ZDHHC1: variants seen among roughly 807,000 people sequenced by gnomAD.
The protein encoded by ZDHHC1 is zDHHC palmitoyltransferase 1.
In ZDHHC1, 45 loss-of-function variants were observed where a neutral mutation model predicts 46.9. The ratio of observed to expected loss-of-function variants is 0.96; its 90% CI spans 0.76 to 1.23. The LOEUF is 1.23. ZDHHC1 is among the 50% of genes most tolerant of loss of function. The pLI is 0.00. For synonymous variants in ZDHHC1, 291 were observed against 286.0 expected, an observed-to-expected ratio of 1.02 and a Z score of -0.18; for missense variants, 649 against 670.8, an observed-to-expected ratio of 0.97 and a Z score of 0.36.
chr16:67,395,413 C>T (rs1457877157), intron 9 of ZDHHC1, 71 bp downstream of exon 9: 1 of 1,543,990 alleles, frequency 6.5e-7, no homozygotes, highest in Non-Finnish European at 8.7e-7. Context: ...AGCCTACCCC[C>T]TTCTCCTGCC....
intron 7 of ZDHHC1, 114 bp from the exon 8 acceptor site, chr16:67,398,438 AT>A: frequency 6.6e-7 from 1 of 1,509,572 alleles, no homozygotes; most frequent in Non-Finnish European, 8.9e-7. Flanking sequence ...ACACGAAGCC[AT>A]CAGGTGAGAC....
intron 1 of ZDHHC1, among the ~76,000 whole-genome samples, chr16:67,415,198 C>T (rs2040813655): frequency 6.6e-6 from 1 of 152,102 alleles, no homozygotes; most frequent in East Asian, 1.9e-4. Flanking sequence ...TGGCTCACAC[C>T]TGTAATCCCA....
At chr16:67,404,732 G>A (rs1392307427) in intron 3 of ZDHHC1, 2 of 455,884 alleles carry the variant, frequency 4.4e-6, no homozygotes, top group South Asian at 3.1e-5. Context: ...TAGGAAATGG[G>A]GAGAATACCT....
rs758310277 is a variant in ZDHHC1 at position 67,406,375 on chromosome 16, T to C, written c.77A>G (p.Gln26Arg). 1.3e-6 allele frequency: 2 copies of C among 1,581,586 alleles called. No homozygotes were observed. Among genetic ancestry groups the C allele is most frequent in the South Asian group, 2.3e-5 (2 of 86,712 alleles). The change falls in exon 3 of 12, where the codon CAG becomes CGG. Residue 26 changes from glutamine (Q) to arginine (R), a missense_variant. Physicochemically the swap from Gln to Arg is conservative, Grantham distance 43. Coordinates refer to ENST00000565726, the MANE Select transcript of ZDHHC1 (RefSeq NM_001323627.2). This position sits in a 1 kb window ranked among gnomAD's most constrained non-coding sequence, Gnocchi z 4.1. The part of the protein sequence containing the change: ...PEKSVWTAPA[Q>R]PSGPSPELQG... The stretch of plus-strand genomic sequence containing the variant: ...CAGCTCAGGGGAGGGTCCGCTGGGC[T>C]GTGCCGGTGCCGTCCACACACTCTT...
Position 67,406,360 on chromosome 16 carries a change from G to A in ZDHHC1, c.92C>T (p.Ser31Phe), listed in dbSNP as rs762297548. The A allele has an allele frequency of 6.3e-7, 1 of 1,585,812 alleles. No homozygotes were observed. Among genetic ancestry groups the A allele is most frequent in the Non-Finnish European group, 8.6e-7 (1 of 1,166,030 alleles). The change falls in exon 3 of 12, where the codon TCC (serine) becomes TTC (phenylalanine). Residue 31 changes from serine (S) to phenylalanine (F), a missense_variant. Ser to Phe is a radical substitution (Grantham distance 155). Transcript: ENST00000565726. This position sits in a 1 kb window ranked among gnomAD's most constrained non-coding sequence, Gnocchi z 4.1. Reference protein sequence around the residue: ...WTAPAQPSGPSPELQGQRSRR... With the variant: ...WTAPAQPSGPFPELQGQRSRR... ...GGATCGCTGGCCCTGCAGCTCAGGGGAGGGTCCGCTGGGCTGTGCCGGTGC... is the reference window on the plus strand; with the variant it reads ...GGATCGCTGGCCCTGCAGCTCAGGGAAGGGTCCGCTGGGCTGTGCCGGTGC...
rs746830838 is a variant in ZDHHC1, at chr16:67,398,857, G to A, written c.618C>T (p.Val206=). Residue 206 remains valine, a synonymous_variant, in exon 6 of 12, where the codon GTC becomes GTT. Coordinates refer to ENST00000565726, the MANE Select transcript of ZDHHC1 (RefSeq NM_001323627.2). ...VATYVFVEFF[V]NPMRLRTNRH... is the part of the protein sequence containing the mutation. ...GGTTGGTGCGCAGACGCATGGGGTTGACAAAGAACTCCACGAAGACATATG... is the reference window on the plus strand; with the variant it reads ...GGTTGGTGCGCAGACGCATGGGGTTAACAAAGAACTCCACGAAGACATATG... The A allele has an allele frequency of 5.6e-6, 9 of 1,612,982 alleles. No homozygotes were observed. Among genetic ancestry groups the A allele is most frequent in the East Asian group, 2.2e-5 (1 of 44,828 alleles).
rs1046004391 is a variant in ZDHHC1, at chr16:67,401,324, A to T, written c.253-192T>A. Among the ~76,000 whole-genome samples the T allele has an allele frequency of 2.6e-5, 4 of 152,192 alleles. No homozygotes were observed. The highest frequency in any genetic ancestry group is 4.4e-5 in the Non-Finnish European group (3 of 68,034). On this transcript the variant is annotated intron_variant, in intron 3 of 11. Transcript: ENST00000565726. This position sits in a 1 kb window ranked among gnomAD's most constrained non-coding sequence, Gnocchi z 4.6. ...CAGGTAACCCCTATGCCCCAAATGG[A>T]AAGAGGGAGAGGCCATCTAGGAAAG...
chr16:67,398,164 C>T, intron 8 of ZDHHC1, 48 bp downstream of exon 8: 1 of 1,581,504 alleles, frequency 6.3e-7, no homozygotes, highest in Non-Finnish European at 8.7e-7. Flanking sequence ...GCTGCACAGC[C>T]CAACACCCCC....
intron 1 of ZDHHC1, among the ~76,000 whole-genome samples, chr16:67,409,403 G>C (rs1008798528): frequency 3.3e-5 from 5 of 152,210 alleles, no homozygotes; most frequent in African/African-American, 1.2e-4. Flanking sequence ...GGCCCAGGAA[G>C]GGAGCACTTG....
chr16:67,403,670 C>T (rs1211496383), intron 3 of ZDHHC1, among the ~76,000 whole-genome samples: 11 of 151,702 alleles, frequency 7.3e-5, no homozygotes, highest in South Asian at 2.1e-4. Context: ...AGTGCAATGG[C>T]GCTATCTCGG....
chr16:67,415,621 G>A (rs2040821360), intron 1 of ZDHHC1, among the ~76,000 whole-genome samples: 1 of 152,148 alleles, frequency 6.6e-6, no homozygotes, highest in Admixed American at 6.5e-5. Context: ...GCCGGGCGTG[G>A]CGGCGGGCGC....
At chr16:67,398,428 A>G (rs1597533868) in intron 7 of ZDHHC1, 104 bp from the exon 8 acceptor site, 1 of 1,510,490 alleles carries the variant, frequency 6.6e-7, no homozygotes, top group Non-Finnish European at 8.9e-7. Context: ...GTCCCCAAAT[A>G]CACGAAGCCA....
chr16:67,415,975 G>A lies in ZDHHC1; in HGVS notation c.-39+196C>T, dbSNP rs147832640. 2.3e-3 allele frequency among the ~76,000 whole-genome samples: 345 copies of A among 151,884 alleles called. 11 individuals are homozygous for A. In the East Asian group the frequency reaches 0.062, roughly 27 times the overall value. ...TGTGCCCACGCCTGGCACAGAGCCT[G>A]GCAAAGAGTAAGCGCTCAAGGAAGA... is the stretch of plus-strand genomic sequence containing the variant. On this transcript the variant is annotated intron_variant, in intron 1 of 11. Coordinates refer to ENST00000565726, the MANE Select transcript of ZDHHC1 (RefSeq NM_001323627.2).
At chr16:67,404,807 C>T (rs2040623323) in intron 3 of ZDHHC1, 2 of 441,284 alleles carry the variant, frequency 4.5e-6, no homozygotes, top group African/African-American at 4.0e-5. Flanking sequence ...CAGGGCCTGG[C>T]ACATGTAAGG....
chr16:67,407,768 T>C lies in ZDHHC1; in HGVS notation c.8A>G (p.Lys3Arg). 1.3e-6 allele frequency: 1 copy of C among 781,024 alleles called. No homozygotes were observed. Among genetic ancestry groups the C allele is most frequent in the Non-Finnish European group, 2.4e-6 (1 of 418,086 alleles). 48.4% of individuals were successfully genotyped at this position (781,024 alleles called of 1,614,324 possible). A position where few individuals can be genotyped will look rare whatever the true frequency, so the allele number is the denominator to read the frequency against. Residue 3 changes from lysine to arginine, a missense_variant and splice_region_variant, in exon 2 of 12, where the codon AAG becomes AGG. Coordinates refer to ENST00000565726, the MANE Select transcript of ZDHHC1 (RefSeq NM_001323627.2). Reference sequence around the variant, plus strand: ...TCCCCCAGGCACCCAAAATTGTACCTTGTACATAGTAGATCCTCAGTAAAT... The same window carrying C: ...TCCCCCAGGCACCCAAAATTGTACCCTGTACATAGTAGATCCTCAGTAAAT... Reference protein sequence around the residue: MYKMNICNKPSNK... With the variant: MYRMNICNKPSNK...
intron 1 of ZDHHC1, among the ~76,000 whole-genome samples, chr16:67,415,383 C>T (rs963881378): frequency 1.3e-4 from 20 of 152,070 alleles, no homozygotes; most frequent in East Asian, 1.9e-4. Flanking sequence ...CGCTTGAGCC[C>T]GGGAGCCGGA....
intron 4 of ZDHHC1, 136 bp from the exon 5 acceptor site, chr16:67,399,592 A>AGC: frequency 1.5e-6 from 1 of 651,054 alleles, no homozygotes. Context: ...GGCGACGAGG[A>AGC]GCGCGCGCGC....
intron 4 of ZDHHC1, among the ~76,000 whole-genome samples, chr16:67,400,497 A>T (rs923550942): frequency 6.6e-6 from 1 of 152,214 alleles, no homozygotes; most frequent in African/African-American, 2.4e-5. Context: ...CTGGCCGGCC[A>T]GATGTGAATC....
chr16:67,406,135 C>T lies in ZDHHC1; in HGVS notation c.252+65G>A, dbSNP rs931890362. ...GGCTCTCAACCCGGCTTTGGGCCTC[C>T]GCTGTGCCAGCCATCCTTTGCCTCC... On this transcript the variant is annotated intron_variant, in intron 3 of 11. Transcript: ENST00000565726. This position sits in a 1 kb window ranked among gnomAD's most constrained non-coding sequence, Gnocchi z 4.1. 30 of 1,554,812 alleles carry T rather than the reference C, an allele frequency of 1.9e-5. No individual in the cohort carries two copies. The highest frequency in any genetic ancestry group is 1.1e-4 in the East Asian group (5 of 43,824).
Sources: allele counts gnomAD v4.1 joint callset (sites outside exome capture counted in the v4.1 genomes callset), GRCh38; gene constraint gnomAD v4.1.1; non-coding constraint Gnocchi (gnomAD v3.1); transcripts MANE v1.5; gene names NCBI Gene and HGNC (gene_info 2026-07-23, HGNC 2026-07-21).